BRD8: variants seen among roughly 807,000 people sequenced by gnomAD.
BRD8 encodes bromodomain containing 8.
A neutral mutation model predicts 143.1 loss-of-function variants in BRD8; 67 were observed. The observed-to-expected ratio is 0.47, with a 90% confidence interval of 0.38 to 0.57. The LOEUF is 0.57. BRD8 is among the 20% of genes least tolerant of loss of function. The pLI, the probability that BRD8 is intolerant of heterozygous loss-of-function variation, is 0.00. For missense variants in BRD8, 1,103 were observed against 1,503.0 expected (o/e 0.73, Z 4.40); for synonymous variants, 505 against 517.1 (o/e 0.98, Z 0.32).
intron 9 of BRD8, chr5:138,166,992 T>A (rs570342343): frequency 3.2e-6 from 1 of 309,534 alleles, no homozygotes; most frequent in Admixed American, 4.9e-5. Flanking sequence ...ACGCCTGTAA[T>A]GCTAGCACTT....
chr5:138,149,507 C>T (rs532514561), intron 23 of BRD8, 133 bp downstream of exon 23: 819 of 701,338 alleles, frequency 1.2e-3, no homozygotes, highest in Non-Finnish European at 1.5e-3. Flanking sequence ...TAAAATTATA[C>T]TTAATTAATT....
chr5:138,151,860 A>T (rs1752384138), intron 21 of BRD8, among the ~76,000 whole-genome samples: 1 of 146,844 alleles, frequency 6.8e-6, no homozygotes, highest in Non-Finnish European at 1.5e-5. Context: ...ATTTTAATTA[A>T]TTTATTTATT....
At chr5:138,157,396 T>A in intron 20 of BRD8, 1 of 1,189,430 alleles carries the variant, frequency 8.4e-7, no homozygotes, top group Non-Finnish European at 1.2e-6. Context: ...TCCAGAGGGA[T>A]GAGGGGCATA....
chr5:138,178,315 CAA>C (rs1754532063), intron 1 of BRD8, among the ~76,000 whole-genome samples: 1 of 152,152 alleles, frequency 6.6e-6, no homozygotes, highest in African/African-American at 2.4e-5. Flanking sequence ...TCTGCACGCC[CAA>C]GTTTCTAGAG....
chr5:138,172,190 T>C (rs1753919911), intron 2 of BRD8, 56 bp from the exon 3 acceptor site: 2 of 1,378,942 alleles, frequency 1.5e-6, no homozygotes, highest in South Asian at 1.2e-5. Flanking sequence ...AGGAGAGGTA[T>C]GCTGAGAGTG....
intron 20 of BRD8, among the ~76,000 whole-genome samples, chr5:138,154,956 C>T (rs1397287919): frequency 1.3e-5 from 2 of 151,288 alleles, no homozygotes; most frequent in Non-Finnish European, 2.9e-5. Flanking sequence ...CAGCCTCCCG[C>T]GTAACTGGGA....
intron 14 of BRD8, chr5:138,163,554 T>G: frequency 1.4e-6 from 2 of 1,474,222 alleles, no homozygotes; most frequent in Non-Finnish European, 1.8e-6. Flanking sequence ...ACCCAGGATC[T>G]TTTAAAAAGA....
At chr5:138,151,651 GT>G (rs869075169) in intron 21 of BRD8, among the ~76,000 whole-genome samples, 1 of 135,830 alleles carries the variant, frequency 7.4e-6, no homozygotes, top group Non-Finnish European at 1.7e-5. Flanking sequence ...CAAAAAGCAT[GT>G]ATTTTTTTAT....
chr5:138,166,176 A>G lies in BRD8; in HGVS notation c.998-68T>C, dbSNP rs537625314. On this transcript the variant is annotated intron_variant, in intron 10 of 26. Transcript: ENST00000254900. ...TACAAAGCGACCACCTTGAGATCAC[A>G]TAAGCGCTACAGACAGATGTCAAAT... The G allele has an allele frequency of 2.2e-5, 24 of 1,093,994 alleles. No individual in the cohort carries two copies. The Admixed American group carries it at 4.6e-4, about 21-fold the overall frequency. 67.8% of individuals were successfully genotyped at this position (1,093,994 alleles called of 1,614,324 possible).
intron 14 of BRD8, among the ~76,000 whole-genome samples, chr5:138,163,799 G>A (rs1373366129): frequency 6.6e-6 from 1 of 152,162 alleles, no homozygotes; most frequent in Non-Finnish European, 1.5e-5. Context: ...TAATAAACTT[G>A]ATTCCTGTAT....
At chr5:138,172,233 A>G in intron 2 of BRD8, 99 bp from the exon 3 acceptor site, 2 of 1,011,674 alleles carry the variant, frequency 2.0e-6, no homozygotes, top group East Asian at 2.5e-5. Flanking sequence ...GGAATAAAAA[A>G]GATGCGAATG....
chr5:138,140,444 C>T (rs1032559990), intron 26 of BRD8, among the ~76,000 whole-genome samples: 7 of 152,152 alleles, frequency 4.6e-5, no homozygotes, highest in East Asian at 1.9e-4. Context: ...GCTCTGGAAG[C>T]GGGAATTCCC....
chr5:138,167,885 T>C, intron 9 of BRD8, 49 bp downstream of exon 9: 3 of 1,548,214 alleles, frequency 1.9e-6, no homozygotes, highest in Non-Finnish European at 1.8e-6. Flanking sequence ...GGTCAGTCAA[T>C]GTCAAGTTCA....
chr5:138,170,925 A>C lies in BRD8; in HGVS notation c.360-13T>G, dbSNP rs1581452760. The C allele has an allele frequency of 1.2e-6, 2 of 1,613,982 alleles. No individual in the cohort carries two copies. Among genetic ancestry groups the C allele is most frequent in the Middle Eastern group, 3.3e-4 (2 of 6,062 alleles). On this transcript the variant is annotated splice_polypyrimidine_tract_variant and intron_variant, in intron 5 of 26. Coordinates refer to ENST00000254900, the MANE Select transcript of BRD8 (RefSeq NM_139199.2). ...TCTCTTTAGCCGTCTATAGGAAGAAAGAGAGGTAGGTAGACTGGGTTTTTT... is the reference window on the plus strand; with the variant it reads ...TCTCTTTAGCCGTCTATAGGAAGAACGAGAGGTAGGTAGACTGGGTTTTTT...
intron 8 of BRD8, chr5:138,168,345 C>T (rs1464028923): frequency 1.3e-5 from 10 of 754,544 alleles, no homozygotes; most frequent in Non-Finnish European, 2.3e-5. Context: ...AAAAAATTAA[C>T]ATTTAATTAG....
intron 2 of BRD8, among the ~76,000 whole-genome samples, chr5:138,173,878 A>T (rs1408093989): frequency 6.6e-6 from 1 of 152,066 alleles, no homozygotes; most frequent in East Asian, 1.9e-4. Context: ...TAGTTTTGTC[A>T]TATTGCCCAG....
intron 23 of BRD8, 37 bp downstream of exon 23, chr5:138,149,603 C>T (rs217270): frequency 1 from 1,515,830 of 1,518,500 alleles, 756,633 homozygotes; most frequent in East Asian, 1. Flanking sequence ...AACAGAAGTA[C>T]GAATCTTAAC....
intron 20 of BRD8, chr5:138,157,176 A>T (rs1251132599): frequency 1.2e-6 from 2 of 1,610,804 alleles, no homozygotes; most frequent in African/African-American, 2.7e-5. Flanking sequence ...CTTTTATTTT[A>T]GGTTCGGCTC....
At chr5:138,175,912 C>CA (rs59338837) in intron 2 of BRD8, among the ~76,000 whole-genome samples, 8,085 of 18,526 alleles carry the variant, frequency 0.44, 2,949 homozygotes, top group East Asian at 0.55. Context: ...ACCCTGTCTG[C>CA]AAAAAAAAAA....
Sources: gnomAD v4.1 joint callset for allele counts (sites outside exome capture counted in the v4.1 genomes callset) on GRCh38, gnomAD v4.1.1 for gene constraint, MANE v1.5 for transcripts, NCBI Gene and HGNC (gene_info 2026-07-23, HGNC 2026-07-21) for gene names.